SRFBP1: variants seen among roughly 807,000 people sequenced by gnomAD.
SRFBP1 encodes the protein serum response factor-binding protein 1.
Under a neutral mutation model 45.5 loss-of-function variants are expected in SRFBP1, and 47 were observed. The observed-to-expected ratio is 1.03, with a 90% CI of 0.82 to 1.32. The LOEUF (loss-of-function observed/expected upper bound fraction) is 1.32. Ranked by LOEUF, SRFBP1 falls within the 40% of genes most tolerant of loss-of-function variation. The pLI, the probability that SRFBP1 is intolerant of heterozygous loss-of-function variation, is 0.00. For missense variants in SRFBP1, 621 were observed against 484.6 expected (o/e 1.28, Z -2.64); for synonymous variants, 203 against 166.3 (o/e 1.22, Z -1.70).
intron 4 of SRFBP1, among the ~76,000 whole-genome samples, chr5:121,996,980 G>T: frequency 7.6e-6 from 1 of 130,848 alleles, no homozygotes; most frequent in Admixed American, 7.9e-5. Flanking sequence ...CCTCTTCAAG[G>T]AGAACTACAA....
chr5:122,045,958 T>A (rs1186467346), intron 2 of SRFBP1, among the ~76,000 whole-genome samples: 2 of 152,152 alleles, frequency 1.3e-5, no homozygotes, highest in African/African-American at 4.8e-5. Context: ...TGCTTCCAGC[T>A]TTTGCTTATT....
downstream of SRFBP1, chr5:122,077,062 C>G (rs1754659555): frequency 6.3e-7 from 1 of 1,596,552 alleles, no homozygotes; most frequent in African/African-American, 1.3e-5. This position sits in a 1 kb window ranked among gnomAD's most constrained non-coding sequence, Gnocchi z 4.9. Context: ...CGCTCCAACT[C>G]CCTACCCCTC....
rs117007910 is a variant in SRFBP1 at position 122,054,893 on chromosome 5, A to G, written n.312-20422A>G. Among the ~76,000 whole-genome samples the G allele has an allele frequency of 5.9e-5, 9 of 152,324 alleles. No individual in the cohort carries two copies. In the East Asian group the frequency reaches 1.7e-3, roughly 29 times the overall value. On this transcript the variant is annotated intron_variant and non_coding_transcript_variant, in intron 2 of 2. Coordinates refer to the SRFBP1 transcript ENST00000504881. ...CAAATTTGTTAGTTATGTCATTTCTACCTTATGAAGGCTTATGACATTTAC... is the reference window on the plus strand; with the variant it reads ...CAAATTTGTTAGTTATGTCATTTCTGCCTTATGAAGGCTTATGACATTTAC...
intron 4 of SRFBP1, among the ~76,000 whole-genome samples, chr5:122,005,923 T>C (rs1752964160): frequency 6.6e-6 from 1 of 152,214 alleles, no homozygotes; most frequent in Non-Finnish European, 1.5e-5. Context: ...ATATTAAAGA[T>C]ACAAGTGATT....
At chr5:121,966,736 C>T (rs182878642) in intron 1 of SRFBP1, among the ~76,000 whole-genome samples, 18 of 151,968 alleles carry the variant, frequency 1.2e-4, no homozygotes, top group East Asian at 3.9e-4. Context: ...GGAAGGCCAA[C>T]GGCCTATATG....
At chr5:122,037,357 G>A (rs145408170) in intron 2 of SRFBP1, among the ~76,000 whole-genome samples, 15 of 152,206 alleles carry the variant, frequency 9.9e-5, no homozygotes, top group Admixed American at 7.9e-4. Context: ...GTCTTCTGCC[G>A]GCATCCCTAA....
intron 7 of SRFBP1, among the ~76,000 whole-genome samples, chr5:122,024,445 C>G (rs1483920667): frequency 1.3e-5 from 2 of 152,156 alleles, no homozygotes; most frequent in Non-Finnish European, 2.9e-5. Context: ...TGTCATCTAT[C>G]AGTCTGTCTG....
chr5:121,997,832 A>G (rs1418147188), intron 4 of SRFBP1, among the ~76,000 whole-genome samples: 3 of 151,472 alleles, frequency 2.0e-5, no homozygotes, highest in Admixed American at 1.3e-4. Flanking sequence ...AAAAACAAAC[A>G]ACCCCATCAA....
chr5:121,974,231 A>G lies in SRFBP1; in HGVS notation c.72A>G (p.Arg24=). The G allele has an allele frequency of 1.2e-6, 2 of 1,611,650 alleles. No homozygotes were observed. The highest frequency in any genetic ancestry group is 1.7e-6 in the Non-Finnish European group (2 of 1,178,268). The change falls in exon 2 of 8, where the codon CGA becomes CGG. Residue 24 remains arginine (R), a synonymous_variant. Transcript: ENST00000339397. ...VKMRKEVKRI[R]VLVIRKLVRS... ...TGAGAAAAGAAGTGAAGAGAATTCGAGTTTTAGTTATCCGAAAACTTGTCA... is the reference window on the plus strand; with the variant it reads ...TGAGAAAAGAAGTGAAGAGAATTCGGGTTTTAGTTATCCGAAAACTTGTCA...
chr5:121,993,425 AATTGAT>A (rs762745170), intron 3 of SRFBP1, among the ~76,000 whole-genome samples: 1 of 152,132 alleles, frequency 6.6e-6, no homozygotes, highest in Non-Finnish European at 1.5e-5. Flanking sequence ...ATGAAATATA[AATTGAT>A]TTTGTGTTAG....
chr5:122,078,363 G>T (rs904015457), downstream of SRFBP1: 2 of 175,868 alleles, frequency 1.1e-5, no homozygotes, highest in Non-Finnish European at 2.4e-5. Flanking sequence ...CACGTAATGC[G>T]ATTGGAAACG....
intron 4 of SRFBP1, among the ~76,000 whole-genome samples, chr5:121,995,630 A>C (rs1338534187): frequency 2.6e-5 from 4 of 152,146 alleles, no homozygotes; most frequent in Admixed American, 2.6e-4. Context: ...CAAACATTCA[A>C]AAGCTAGCAG....
chr5:122,015,442 A>G (rs1214925670), intron 4 of SRFBP1, among the ~76,000 whole-genome samples: 5 of 152,182 alleles, frequency 3.3e-5, no homozygotes, highest in Admixed American at 3.3e-4. Flanking sequence ...CTGCCCCACC[A>G]AGGATTCTAC....
At position 122,004,370 on chromosome 5, in the gene SRFBP1, A is replaced by T. The variant is rs141610219; in HGVS notation, c.270+9700A>T. Among the ~76,000 whole-genome samples, 367 of 152,066 alleles carry T rather than the reference A, an allele frequency of 2.4e-3. 3 individuals carry two copies. Among genetic ancestry groups the T allele is most frequent in the African/African-American group, 8.5e-3 (351 of 41,482 alleles). On this transcript the variant is annotated intron_variant, in intron 4 of 7. Transcript: ENST00000339397. ...ATATCCAGTTGTCCCAGTACTGTTT[A>T]TTGAACAGACTGTCCTTTCCTTATT...
chr5:122,076,858 C>G, downstream of SRFBP1: 1 of 1,596,742 alleles, frequency 6.3e-7, no homozygotes, highest in Non-Finnish European at 8.6e-7. Context: ...TGAAGGTAGA[C>G]CGGGGAGCGG....
In SRFBP1 at chr5:121,975,406, G is replaced by A; in HGVS notation, c.198+19G>A. On this transcript the variant is annotated intron_variant, in intron 3 of 7. Coordinates refer to ENST00000339397, the MANE Select transcript of SRFBP1 (RefSeq NM_152546.3). ...CATGAAGGTAAGGACTTGTGTGGGT[G>A]TGTATGTGTGTATGTTTCTGAGTAT... 1.2e-6 allele frequency: 2 copies of A among 1,612,126 alleles called. No individual in the cohort carries two copies. The highest frequency in any genetic ancestry group is 1.7e-6 in the Non-Finnish European group (2 of 1,178,566).
intron 3 of SRFBP1, among the ~76,000 whole-genome samples, chr5:121,982,627 C>G (rs1346438437): frequency 6.6e-6 from 1 of 151,816 alleles, no homozygotes; most frequent in Admixed American, 6.6e-5. Flanking sequence ...GAGCAAGTTG[C>G]AGGCCTTTGT....
chr5:122,001,743 A>G (rs540914150), intron 4 of SRFBP1, among the ~76,000 whole-genome samples: 1 of 151,564 alleles, frequency 6.6e-6, no homozygotes, highest in African/African-American at 2.4e-5. Context: ...TTGTATTTTT[A>G]GTATAGACGG....
chr5:122,047,478 C>T (rs1418542342), intron 2 of SRFBP1, among the ~76,000 whole-genome samples: 5 of 152,140 alleles, frequency 3.3e-5, no homozygotes, highest in African/African-American at 4.8e-5. Flanking sequence ...AGTCAGGTAG[C>T]TTGATGCCTC....
Sources: gnomAD v4.1 joint callset for allele counts (sites outside exome capture counted in the v4.1 genomes callset) on GRCh38, gnomAD v4.1.1 for gene constraint, Gnocchi (gnomAD v3.1) non-coding constraint, MANE v1.5 for transcripts, NCBI Gene and HGNC (gene_info 2026-07-23, HGNC 2026-07-21) for gene names.